The following LYPD6B variants were observed in gnomAD, a reference collection of about 807,000 sequenced individuals.
LYPD6B encodes LY6/PLAUR domain containing 6B.
A neutral mutation model predicts 22.8 loss-of-function variants in LYPD6B; 17 were observed. The observed-to-expected ratio is 0.75, with a 90% confidence interval of 0.51 to 1.12. The LOEUF (loss-of-function observed/expected upper bound fraction) is 1.12. Ranked by LOEUF, LYPD6B falls within the 50% of genes most tolerant of loss-of-function variation. The pLI is 0.00. For synonymous variants in LYPD6B, 106 were observed against 91.6 expected, an observed-to-expected ratio of 1.16 and a Z score of -0.90; for missense variants, 221 against 258.3, an observed-to-expected ratio of 0.86 and a Z score of 0.99.
intron 3 of LYPD6B, among the ~76,000 whole-genome samples, chr2:149,162,264 C>T (rs1690116794): frequency 6.6e-6 from 1 of 152,192 alleles, no homozygotes; most frequent in South Asian, 2.1e-4. Context: ...CCAGGCAACA[C>T]CCTAAGCATT....
chr2:149,041,272 G>T (rs1311063886), intron 1 of LYPD6B, among the ~76,000 whole-genome samples: 10 of 152,134 alleles, frequency 6.6e-5, no homozygotes, highest in African/African-American at 1.9e-4. Context: ...CTCTTTGGTG[G>T]CTTCTAGAAA....
chr2:149,184,906 A>AT (rs966617927), intron 3 of LYPD6B, among the ~76,000 whole-genome samples: 1 of 152,032 alleles, frequency 6.6e-6, no homozygotes, highest in Non-Finnish European at 1.5e-5. Flanking sequence ...CTGTACAAGC[A>AT]TTTTTTTTCC....
At chr2:149,045,415 G>A (rs1683263604) in intron 1 of LYPD6B, among the ~76,000 whole-genome samples, 1 of 151,782 alleles carries the variant, frequency 6.6e-6, no homozygotes. Flanking sequence ...CAATTTAATT[G>A]ATTTCTGCTC....
intron 1 of LYPD6B, among the ~76,000 whole-genome samples, chr2:149,045,240 T>C (rs1683257706): frequency 6.6e-6 from 1 of 152,072 alleles, no homozygotes; most frequent in Non-Finnish European, 1.5e-5. Context: ...TATTAGCCAT[T>C]TATGTCTGAA....
At chr2:149,118,148 G>C (rs192529274) in intron 1 of LYPD6B, 1 of 152,272 alleles carries the variant, frequency 6.6e-6, no homozygotes, top group Non-Finnish European at 1.5e-5. Context: ...CATTCTATTG[G>C]CTGCATAAGA....
At chr2:149,106,151 C>G (rs1381857256) in intron 1 of LYPD6B, among the ~76,000 whole-genome samples, 1 of 151,886 alleles carries the variant, frequency 6.6e-6, no homozygotes, top group Non-Finnish European at 1.5e-5. Context: ...CCTATGTGTT[C>G]ATGATATATT....
chr2:149,117,239 T>C (rs1687051017), intron 1 of LYPD6B, among the ~76,000 whole-genome samples: 1 of 151,988 alleles, frequency 6.6e-6, no homozygotes, highest in Non-Finnish European at 1.5e-5. Flanking sequence ...ATAGACAATG[T>C]ACATTTTTAT....
chr2:149,170,867 T>G (rs1388167232), intron 3 of LYPD6B, among the ~76,000 whole-genome samples: 1 of 152,202 alleles, frequency 6.6e-6, no homozygotes, highest in Non-Finnish European at 1.5e-5. Flanking sequence ...TTGAAATACA[T>G]CATTAAACAA....
intron 1 of LYPD6B, among the ~76,000 whole-genome samples, chr2:149,110,971 G>C (rs1686728678): frequency 1.3e-5 from 2 of 152,162 alleles, no homozygotes; most frequent in South Asian, 4.1e-4. Context: ...AGAATAAAGT[G>C]AAGTAGTGTG....
At position 149,202,859 on chromosome 2, in the gene LYPD6B, G is replaced by A. The variant is rs182623850; in HGVS notation, c.78-2394G>A. 1.1e-3 allele frequency among the ~76,000 whole-genome samples: 165 copies of A among 152,216 alleles called. 2 individuals are homozygous for A. Among genetic ancestry groups the A allele is most frequent in the African/African-American group, 3.9e-3 (161 of 41,528 alleles). On this transcript the variant is annotated intron_variant, in intron 3 of 6. Transcript: ENST00000409642. Reference sequence around the variant, plus strand: ...TAAAAATTAGCAAAATTCCACACACGTAACTCATTTAAGTACTTTACAGGC... The same window carrying A: ...TAAAAATTAGCAAAATTCCACACACATAACTCATTTAAGTACTTTACAGGC...
At chr2:149,192,918 G>T (rs558452263) in intron 3 of LYPD6B, among the ~76,000 whole-genome samples, 1 of 152,154 alleles carries the variant, frequency 6.6e-6, no homozygotes, top group East Asian at 1.9e-4. Context: ...GTCTCTGGGG[G>T]GCTTTTGGGG....
chr2:149,047,727 C>T (rs1683376186), intron 1 of LYPD6B, among the ~76,000 whole-genome samples: 1 of 152,022 alleles, frequency 6.6e-6, no homozygotes, highest in Admixed American at 6.6e-5. Context: ...TATTTTCTTT[C>T]TTTTCTCCTG....
At chr2:149,161,530 G>A (rs1559042501) in intron 3 of LYPD6B, 1 of 152,320 alleles carries the variant, frequency 6.6e-6, no homozygotes, top group Non-Finnish European at 1.5e-5. Context: ...TCAAATCAGA[G>A]GTTTGGTTTT....
chr2:149,067,730 G>A (rs60224998), intron 1 of LYPD6B, among the ~76,000 whole-genome samples: 1,587 of 151,800 alleles, frequency 0.01, 35 homozygotes, highest in African/African-American at 0.036. Context: ...TATAATTTAG[G>A]AAGATTCCTG....
chr2:149,062,207 G>C (rs1434163131), intron 1 of LYPD6B, among the ~76,000 whole-genome samples: 1 of 152,090 alleles, frequency 6.6e-6, no homozygotes, highest in Non-Finnish European at 1.5e-5. Context: ...GGCTGGTATC[G>C]AACTCCCAAC....
intron 1 of LYPD6B, among the ~76,000 whole-genome samples, chr2:149,060,014 T>G (rs1684000945): frequency 4.1e-5 from 6 of 145,062 alleles, no homozygotes; most frequent in Non-Finnish European, 6.1e-5. Flanking sequence ...GAGGGAGGGG[T>G]AGGGAGGGAG....
intron 1 of LYPD6B, among the ~76,000 whole-genome samples, chr2:149,100,848 T>C (rs1271272867): frequency 1.3e-5 from 2 of 152,218 alleles, no homozygotes; most frequent in Non-Finnish European, 2.9e-5. Flanking sequence ...GAATTCAAAG[T>C]GTAAGAAGCA....
chr2:149,115,863 T>C lies in LYPD6B; in HGVS notation c.-66-15020T>C, dbSNP rs886973474. ...ATTCCAGAAATAAACAATTTATAAA[T>C]GTTAAATTGTAGGCAGTTCTGAATA... On this transcript the variant is annotated intron_variant, in intron 1 of 6. Coordinates refer to ENST00000409642, the MANE Select transcript of LYPD6B (RefSeq NM_177964.5). Among the ~76,000 whole-genome samples, 4 of 152,222 alleles carry C rather than the reference T, an allele frequency of 2.6e-5. 1 individual carries two copies. In the South Asian group the frequency reaches 8.3e-4, roughly 31 times the overall value.
At chr2:149,160,738 T>A in intron 2 of LYPD6B, 26 bp from the exon 3 acceptor site, 1 of 1,522,100 alleles carries the variant, frequency 6.6e-7, no homozygotes. Context: ...AGTGGCTCTT[T>A]CCTTATCTTT....
Sources: gnomAD v4.1 joint callset for allele counts (sites outside exome capture counted in the v4.1 genomes callset) on GRCh38, gnomAD v4.1.1 for gene constraint, MANE v1.5 for transcripts, NCBI Gene and HGNC (gene_info 2026-07-23, HGNC 2026-07-21) for gene names.